CHD9: variants seen among roughly 807,000 people sequenced by gnomAD.
CHD9 encodes ATP-dependent chromatin remodeler CHD9.
CHD9 carries 77 observed loss-of-function variants against 316.1 expected under a neutral mutation model. The ratio of observed to expected loss-of-function variants is 0.24; its 90% CI spans 0.20 to 0.29. The LOEUF (loss-of-function observed/expected upper bound fraction) is 0.29. Ranked by LOEUF, CHD9 falls within the 10% of genes least tolerant of loss-of-function variation. The pLI is 1.00. For missense variants in CHD9, 2,763 were observed against 3,438.1 expected (o/e 0.80, Z 4.91); for synonymous variants, 1,129 against 1,158.3 (o/e 0.97, Z 0.51).
At position 53,303,921 on chromosome 16, in the gene CHD9, T is replaced by C; in HGVS notation, c.5915T>C (p.Ile1972Thr). 1 of 1,614,030 alleles carries C rather than the reference T, an allele frequency of 6.2e-7. No homozygotes were observed. Among genetic ancestry groups the C allele is most frequent in the Non-Finnish European group, 8.5e-7 (1 of 1,179,886 alleles). Residue 1972 changes from isoleucine (I) to threonine (T), a missense_variant, in exon 31 of 39, where the codon ATT becomes ACT. Transcript: ENST00000447540. ...ECGPHDRDLL[I>T]GAAKHGVSRT... ...GGCCCTCATGATAGGGATTTGCTTA[T>C]TGGTGCTGCCAAACACGGGGTGAGC...
chr16:53,190,907 A>G (rs755657990), intron 2 of CHD9, among the ~76,000 whole-genome samples: 14 of 152,138 alleles, frequency 9.2e-5, no homozygotes, highest in African/African-American at 3.4e-4. Flanking sequence ...ATCCTGTTAC[A>G]TATGTCCACT....
chr16:53,274,434 G>T, intron 24 of CHD9, 132 bp downstream of exon 24: 2 of 467,396 alleles, frequency 4.3e-6, no homozygotes, highest in South Asian at 4.3e-5. Context: ...CACCACACCT[G>T]GCTTAAATGA....
chr16:53,222,423 C>T lies in CHD9; in HGVS notation c.1785-221C>T, dbSNP rs140097454. ...AGTACATTAATTGTACTTCTGAGTA[C>T]ATTAATTATACTTCCAAACATAGAA... On this transcript the variant is annotated intron_variant, in intron 3 of 38. Transcript: ENST00000447540. Among the ~76,000 whole-genome samples the T allele has an allele frequency of 2.2e-3, 333 of 152,158 alleles. 2 individuals carry two copies. Among genetic ancestry groups the T allele is most frequent in the Non-Finnish European group, 3.2e-3 (216 of 68,010 alleles).
intron 1 of CHD9, among the ~76,000 whole-genome samples, chr16:53,143,127 C>T (rs911103844): frequency 1.3e-5 from 2 of 152,072 alleles, no homozygotes; most frequent in African/African-American, 4.8e-5. Context: ...GGCCCCACCT[C>T]GAAACACTGT....
chr16:53,107,513 T>TGAAATGAAATGAA (rs2037464824), intron 1 of CHD9, among the ~76,000 whole-genome samples: 9 of 143,190 alleles, frequency 6.3e-5, no homozygotes, highest in African/African-American at 2.4e-4. Context: ...TAAAATAAAA[T>TGAAATGAAATGAA]ATAAAATAAA....
At chr16:53,235,122 T>C in intron 10 of CHD9, 63 bp from the exon 11 acceptor site, 1 of 1,390,010 alleles carries the variant, frequency 7.2e-7, no homozygotes, top group Non-Finnish European at 9.8e-7. Context: ...AACCAATGCT[T>C]TTTGCCTTCA....
chr16:53,293,819 G>A (rs111562539), intron 29 of CHD9, among the ~76,000 whole-genome samples: 26 of 152,054 alleles, frequency 1.7e-4, no homozygotes, highest in South Asian at 4.2e-4. Flanking sequence ...GGTGTGGTAC[G>A]CACCTTTAAT....
chr16:53,108,492 G>A (rs2037547815), intron 1 of CHD9, among the ~76,000 whole-genome samples: 3 of 151,098 alleles, frequency 2.0e-5, no homozygotes, highest in Admixed American at 1.3e-4. Context: ...ATAACAGAGT[G>A]AGATCCTGTC....
At chr16:53,191,227 A>G (rs2044457134) in intron 2 of CHD9, among the ~76,000 whole-genome samples, 1 of 151,884 alleles carries the variant, frequency 6.6e-6, no homozygotes, top group Non-Finnish European at 1.5e-5. Context: ...TGGCTTTTTC[A>G]CCATTTATAT....
intron 1 of CHD9, among the ~76,000 whole-genome samples, chr16:53,132,602 A>G (rs1263877189): frequency 1.3e-5 from 2 of 152,194 alleles, no homozygotes; most frequent in African/African-American, 2.4e-5. Context: ...GCAATGCAAA[A>G]GGATGATCAT....
chr16:53,286,503 T>C (rs1015887885), intron 26 of CHD9, among the ~76,000 whole-genome samples, 160 bp downstream of exon 26: 1 of 152,200 alleles, frequency 6.6e-6, no homozygotes, highest in South Asian at 2.1e-4. Context: ...TTAGCACTTA[T>C]CCAACAGAAT....
At chr16:53,128,210 T>C (rs748660077) in intron 1 of CHD9, among the ~76,000 whole-genome samples, 12 of 150,592 alleles carry the variant, frequency 8.0e-5, no homozygotes, top group Non-Finnish European at 1.6e-4. Flanking sequence ...TAAGACGGAG[T>C]CTCGTTCTGT....
chr16:53,251,602 A>C (rs2050133216), intron 17 of CHD9, among the ~76,000 whole-genome samples: 1 of 152,208 alleles, frequency 6.6e-6, no homozygotes, highest in African/African-American at 2.4e-5. Flanking sequence ...ATATATTTTA[A>C]AGCCACATTT....
intron 34 of CHD9, chr16:53,311,691 G>C (rs1311117905): frequency 6.6e-6 from 1 of 152,224 alleles, no homozygotes; most frequent in African/African-American, 2.4e-5. Context: ...GGACAAAACT[G>C]AAGAGCTCAT....
At chr16:53,143,389 TA>T (rs2040293814) in intron 1 of CHD9, among the ~76,000 whole-genome samples, 1 of 149,336 alleles carries the variant, frequency 6.7e-6, no homozygotes, top group Non-Finnish European at 1.5e-5. Flanking sequence ...TTTATTTATT[TA>T]TTTATTTATT....
At chr16:53,132,298 TA>T (rs1048298188) in intron 1 of CHD9, among the ~76,000 whole-genome samples, 7 of 152,120 alleles carry the variant, frequency 4.6e-5, no homozygotes, top group African/African-American at 1.7e-4. Flanking sequence ...CTGTATTAAA[TA>T]AAGTTTATTT....
chr16:53,110,448 A>T (rs771105471), intron 1 of CHD9, among the ~76,000 whole-genome samples: 1 of 152,104 alleles, frequency 6.6e-6, no homozygotes, highest in Non-Finnish European at 1.5e-5. Context: ...AACTTTAAAA[A>T]ATATATTTTA....
intron 8 of CHD9, among the ~76,000 whole-genome samples, chr16:53,229,993 A>G (rs1451408663): frequency 1.3e-5 from 2 of 152,108 alleles, no homozygotes; most frequent in Non-Finnish European, 2.9e-5. Context: ...TCTGGTCCAG[A>G]GTCTAATCCA....
intron 2 of CHD9, among the ~76,000 whole-genome samples, chr16:53,173,552 T>A (rs1360477270): frequency 1.1e-4 from 16 of 150,256 alleles, no homozygotes; most frequent in Admixed American, 1.1e-3. Context: ...CTAATTTTAT[T>A]TTTTTTTTTT....
Sources: gnomAD v4.1 joint callset for allele counts (sites outside exome capture counted in the v4.1 genomes callset) on GRCh38, gnomAD v4.1.1 for gene constraint, MANE v1.5 for transcripts, NCBI Gene and HGNC (gene_info 2026-07-23, HGNC 2026-07-21) for gene names.